The following FAM107B variants were observed in gnomAD, a reference collection of about 807,000 sequenced individuals.
FAM107B encodes protein FAM107B.
In FAM107B, 21 loss-of-function variants were observed where a neutral mutation model predicts 31.5. The ratio of observed to expected loss-of-function variants is 0.67; its 90% CI spans 0.47 to 0.96. FAM107B has a LOEUF of 0.96. FAM107B is among the 40% of genes least tolerant of loss of function. FAM107B has a pLI of 0.00. For missense variants in FAM107B, 452 were observed against 377.1 expected (o/e 1.20, Z -1.64); for synonymous variants, 157 against 141.5 (o/e 1.11, Z -0.78).
rs370246946 is a variant in FAM107B, at chr10:14,758,150, A to G, written c.411+16103T>C. On this transcript the variant is annotated intron_variant, in intron 1 of 4. Coordinates refer to ENST00000181796, the MANE Select transcript of FAM107B (RefSeq NM_031453.4). ...ACAGATTGTGAAAGAGTAATTTAAA[A>G]ACGGTGAATACGTCATGGAAACTTC... Among the ~76,000 whole-genome samples the G allele has an allele frequency of 2.2e-3, 335 of 152,344 alleles. 4 individuals are homozygous for G. The South Asian group carries it at 0.03, about 13-fold the overall frequency.
At chr10:14,713,508 C>T (rs565282589) in intron 1 of FAM107B, among the ~76,000 whole-genome samples, 1 of 152,280 alleles carries the variant, frequency 6.6e-6, no homozygotes, top group East Asian at 1.9e-4. Flanking sequence ...CAGCGGAAAA[C>T]TGAGCTGAGG....
chr10:14,631,181 C>T (rs1853345332), intron 2 of FAM107B, among the ~76,000 whole-genome samples: 1 of 152,148 alleles, frequency 6.6e-6, no homozygotes, highest in Non-Finnish European at 1.5e-5. Context: ...ACAGATGAAT[C>T]TCAGTGCATA....
In FAM107B at chr10:14,529,337, C is replaced by T. The variant is rs143212972; in HGVS notation, c.653+995G>A. 1.7e-4 allele frequency among the ~76,000 whole-genome samples: 26 copies of T among 152,228 alleles called. No homozygotes were observed. In the East Asian group the frequency reaches 4.6e-3, roughly 27 times the overall value. Reference sequence around the variant, plus strand: ...TGCTGGGGATAAAACAGGAGTAAGCCACATTCTCACACTCTAGAGGGAGAA... The same window carrying T: ...TGCTGGGGATAAAACAGGAGTAAGCTACATTCTCACACTCTAGAGGGAGAA... On this transcript the variant is annotated intron_variant, in intron 3 of 4. Transcript: ENST00000181796.
chr10:14,700,827 CAA>C (rs1159035034), intron 1 of FAM107B, among the ~76,000 whole-genome samples: 3,735 of 75,810 alleles, frequency 0.049, 132 homozygotes, highest in African/African-American at 0.1. Context: ...TGGCAAGAGG[CAA>C]AAAAAAAAAA....
chr10:14,589,048 G>A (rs1324408878), intron 2 of FAM107B, among the ~76,000 whole-genome samples: 1 of 151,788 alleles, frequency 6.6e-6, no homozygotes, highest in Non-Finnish European at 1.5e-5. Context: ...CGGGTGTGGT[G>A]GTGCATGCCG....
chr10:14,622,496 G>A (rs1165538494), intron 2 of FAM107B, among the ~76,000 whole-genome samples: 5 of 151,946 alleles, frequency 3.3e-5, no homozygotes, highest in African/African-American at 1.2e-4. Flanking sequence ...TAGTAGAGAC[G>A]GGGTTTCACT....
chr10:14,521,336 T>C, intron 4 of FAM107B, 30 bp from the exon 5 acceptor site: 1 of 1,574,568 alleles, frequency 6.4e-7, no homozygotes, highest in Non-Finnish European at 8.7e-7. Context: ...GGAAAAATTA[T>C]TTACAAACCA....
intron 2 of FAM107B, among the ~76,000 whole-genome samples, chr10:14,611,246 G>A (rs11259222): frequency 0.057 from 8,633 of 152,030 alleles, 289 homozygotes; most frequent in East Asian, 0.1. Flanking sequence ...CTTAATGGTC[G>A]ACACTAATGA....
chr10:14,526,017 A>G (rs192465820), intron 3 of FAM107B, among the ~76,000 whole-genome samples: 2 of 152,306 alleles, frequency 1.3e-5, no homozygotes, highest in East Asian at 3.9e-4. Context: ...CTATATATTA[A>G]TAAGTGAAGT....
At chr10:14,749,746 C>G (rs1029304834) in intron 1 of FAM107B, among the ~76,000 whole-genome samples, 3 of 152,202 alleles carry the variant, frequency 2.0e-5, no homozygotes, top group Non-Finnish European at 4.4e-5. Context: ...TCCTCCCTAC[C>G]ATCCCGCTGA....
chr10:14,578,929 T>C (rs1261291447), intron 2 of FAM107B, among the ~76,000 whole-genome samples: 2 of 152,198 alleles, frequency 1.3e-5, no homozygotes, highest in East Asian at 1.9e-4. Flanking sequence ...AAGTATAGCA[T>C]GTTTTCGTTC....
At chr10:14,709,773 A>C (rs1855598446) in intron 1 of FAM107B, among the ~76,000 whole-genome samples, 1 of 152,246 alleles carries the variant, frequency 6.6e-6, no homozygotes, top group Admixed American at 6.5e-5. Flanking sequence ...CCGTGAAAAG[A>C]CATGGAGAAA....
chr10:14,624,773 A>T (rs1167994676), intron 2 of FAM107B, among the ~76,000 whole-genome samples: 1 of 152,228 alleles, frequency 6.6e-6, no homozygotes, highest in African/African-American at 2.4e-5. Flanking sequence ...AAGAAAAGAA[A>T]AACAGAGTGG....
intron 1 of FAM107B, among the ~76,000 whole-genome samples, chr10:14,751,729 G>A (rs890514479): frequency 3.9e-5 from 6 of 151,994 alleles, no homozygotes; most frequent in Non-Finnish European, 7.4e-5. Flanking sequence ...GAGATCTATC[G>A]ACCCTACACA....
intron 2 of FAM107B, chr10:14,553,501 A>C: frequency 2.1e-6 from 1 of 473,074 alleles, no homozygotes; most frequent in Non-Finnish European, 3.6e-6. Flanking sequence ...CCTTAGCTCA[A>C]ATTAACAATG....
intron 2 of FAM107B, among the ~76,000 whole-genome samples, chr10:14,578,901 T>C (rs1356036465): frequency 1.3e-5 from 2 of 152,206 alleles, no homozygotes; most frequent in African/African-American, 4.8e-5. Flanking sequence ...TACTGATTAC[T>C]CAATCAGGGT....
intron 2 of FAM107B, among the ~76,000 whole-genome samples, chr10:14,596,155 T>G (rs925253602): frequency 2.0e-5 from 3 of 152,192 alleles, no homozygotes; most frequent in African/African-American, 7.2e-5. Context: ...ATATTTGCAC[T>G]TGTTTCTGCG....
chr10:14,747,707 A>G (rs1832753346), intron 1 of FAM107B, among the ~76,000 whole-genome samples: 1 of 152,172 alleles, frequency 6.6e-6, no homozygotes, highest in African/African-American at 2.4e-5. Context: ...GCACCAAGCT[A>G]ATGCCAGCAG....
chr10:14,662,794 C>G (rs1385520918), intron 2 of FAM107B, among the ~76,000 whole-genome samples: 2 of 152,060 alleles, frequency 1.3e-5, no homozygotes, highest in Non-Finnish European at 2.9e-5. Context: ...GGAGGGAACC[C>G]CACTGTGATG....
Sources: allele counts gnomAD v4.1 joint callset (sites outside exome capture counted in the v4.1 genomes callset), GRCh38; gene constraint gnomAD v4.1.1; transcripts MANE v1.5; gene names NCBI Gene and HGNC (gene_info 2026-07-23, HGNC 2026-07-21).